Variants in RASAL2 observed in about 807,000 individuals in gnomAD.
RASAL2 encodes ras GTPase-activating protein nGAP.
In RASAL2, 58 loss-of-function variants were observed where a neutral mutation model predicts 128.9. The ratio of observed to expected loss-of-function variants is 0.45; its 90% confidence interval spans 0.36 to 0.56. The LOEUF (loss-of-function observed/expected upper bound fraction) is 0.56. Ranked by LOEUF, RASAL2 falls within the 20% of genes least tolerant of loss-of-function variation. The pLI is 0.00. For missense variants in RASAL2, 1,360 were observed against 1,601.6 expected (o/e 0.85, Z 2.57); for synonymous variants, 561 against 580.8 (o/e 0.97, Z 0.49).
intron 1 of RASAL2, among the ~76,000 whole-genome samples, chr1:178,145,140 T>A (rs1170159255): frequency 6.6e-6 from 1 of 152,216 alleles, no homozygotes; most frequent in African/African-American, 2.4e-5. Flanking sequence ...ATGAGTTTTT[T>A]ACAAATGGAT....
In RASAL2 at chr1:178,201,601, C is replaced by T. The variant is rs946935204; in HGVS notation, c.203-81963C>T. Among the ~76,000 whole-genome samples, 4 of 152,292 alleles carry T rather than the reference C, an allele frequency of 2.6e-5. No individual in the cohort carries two copies. In the East Asian group the frequency reaches 5.8e-4, roughly 22 times the overall value. ...TAAATGCAGTGGGAATAATTGGATT[C>T]CAGTGTGGCAGGGGCCAAGTGGTGG... On this transcript the variant is annotated intron_variant, in intron 1 of 17. Transcript: ENST00000367649.
At chr1:178,096,580 C>A (rs1389312973) in intron 1 of RASAL2, among the ~76,000 whole-genome samples, 1 of 151,586 alleles carries the variant, frequency 6.6e-6, no homozygotes, top group African/African-American at 2.4e-5. Flanking sequence ...AGAGTGACCA[C>A]GACTTAGAAG....
At position 178,096,844 on chromosome 1, in the gene RASAL2, CTTTAG is replaced by C. The variant is rs150107670; in HGVS notation, c.202+2155_202+2159del. On this transcript the variant is annotated intron_variant, in intron 1 of 17. Coordinates refer to ENST00000367649, the MANE Select transcript of RASAL2 (RefSeq NM_170692.4). Reference sequence around the variant, plus strand: ...CTCATCCTGGATACTATTTTGTTGTCTTTAGTTTATGTAAATATTTCAGAACTATT... The same window carrying C: ...CTCATCCTGGATACTATTTTGTTGTCTTTATGTAAATATTTCAGAACTATT... 5.8e-3 allele frequency among the ~76,000 whole-genome samples: 880 copies of C among 152,036 alleles called. 9 individuals carry two copies. The highest frequency in any genetic ancestry group is 0.02 in the African/African-American group (842 of 41,468).
chr1:178,374,564 G>C (rs1671891598), intron 3 of RASAL2, among the ~76,000 whole-genome samples: 1 of 152,134 alleles, frequency 6.6e-6, no homozygotes, highest in Non-Finnish European at 1.5e-5. Flanking sequence ...CTAGTTTGAT[G>C]AAACTTCATA....
chr1:178,095,812 A>C (rs185768497), intron 1 of RASAL2, among the ~76,000 whole-genome samples: 1 of 152,154 alleles, frequency 6.6e-6, no homozygotes. Flanking sequence ...CAGTTCTACC[A>C]CTAAATGGCT....
chr1:178,462,577 AT>A (rs1430387089), intron 14 of RASAL2, among the ~76,000 whole-genome samples: 3 of 151,984 alleles, frequency 2.0e-5, no homozygotes, highest in Non-Finnish European at 4.4e-5. Flanking sequence ...CACAATAACT[AT>A]TTTTTATTTA....
chr1:178,322,294 A>G (rs1668831950), intron 3 of RASAL2, among the ~76,000 whole-genome samples: 1 of 152,116 alleles, frequency 6.6e-6, no homozygotes, highest in African/African-American at 2.4e-5. Flanking sequence ...CACTTTTTAA[A>G]TGCAGATGTC....
chr1:178,110,534 AT>A (rs893792459), intron 1 of RASAL2, among the ~76,000 whole-genome samples: 3 of 146,334 alleles, frequency 2.1e-5, no homozygotes, highest in African/African-American at 7.5e-5. Flanking sequence ...TATATGCTAT[AT>A]ATACTATATA....
chr1:178,158,049 T>G (rs1307971887), intron 1 of RASAL2, among the ~76,000 whole-genome samples: 2 of 152,234 alleles, frequency 1.3e-5, no homozygotes, highest in African/African-American at 4.8e-5. Flanking sequence ...GTGGACATAT[T>G]TTGACTGCTT....
chr1:178,217,148 T>A (rs1458896727), intron 1 of RASAL2, among the ~76,000 whole-genome samples: 1 of 152,008 alleles, frequency 6.6e-6, no homozygotes, highest in African/African-American at 2.4e-5. Context: ...GCTAATTTTG[T>A]ATTTTTAGTA....
At chr1:178,258,254 A>T (rs1665479400) in intron 1 of RASAL2, among the ~76,000 whole-genome samples, 2 of 148,914 alleles carry the variant, frequency 1.3e-5, no homozygotes, top group Admixed American at 1.4e-4. Context: ...AGATCGCGCC[A>T]CTGCATTCCA....
At chr1:178,162,695 C>A (rs1477028619) in intron 1 of RASAL2, among the ~76,000 whole-genome samples, 1 of 149,976 alleles carries the variant, frequency 6.7e-6, no homozygotes, top group Non-Finnish European at 1.5e-5. Context: ...TCAAGTGATC[C>A]TCCTGCCTCA....
At chr1:178,305,889 G>A (rs150305551) in intron 3 of RASAL2, among the ~76,000 whole-genome samples, 3 of 152,318 alleles carry the variant, frequency 2.0e-5, no homozygotes, top group African/African-American at 7.2e-5. Flanking sequence ...GGAAGATGAA[G>A]TAGCACTAGC....
At chr1:178,434,595 T>C (rs1448354979) in intron 5 of RASAL2, among the ~76,000 whole-genome samples, 1 of 152,090 alleles carries the variant, frequency 6.6e-6, no homozygotes, top group East Asian at 1.9e-4. Flanking sequence ...GTGGTACATA[T>C]TTTTAAGCTA....
At chr1:178,141,193 C>CTTTTTTTTTTTTTTTTTTTTTTTTTTTT (rs71297900) in intron 1 of RASAL2, among the ~76,000 whole-genome samples, 3 of 73,932 alleles carry the variant, frequency 4.1e-5, no homozygotes, top group African/African-American at 1.1e-4. Flanking sequence ...CTTTTCTTTT[C>CTTTTTTTTTTTTTTTTTTTTTTTTTTTT]TTTTTTTTTT....
intron 1 of RASAL2, among the ~76,000 whole-genome samples, chr1:178,097,210 G>A (rs1482782731): frequency 6.6e-6 from 1 of 152,146 alleles, no homozygotes; most frequent in Non-Finnish European, 1.5e-5. Flanking sequence ...GCCACAAGTT[G>A]GTTGTCTAAT....
At chr1:178,388,333 G>A (rs1433615211) in intron 3 of RASAL2, among the ~76,000 whole-genome samples, 2 of 152,164 alleles carry the variant, frequency 1.3e-5, no homozygotes, top group Non-Finnish European at 2.9e-5. Context: ...TAAATTCAGT[G>A]CTTTGTGCCA....
intron 4 of RASAL2, among the ~76,000 whole-genome samples, chr1:178,395,769 C>T (rs1673174914): frequency 1.5e-5 from 1 of 64,936 alleles, no homozygotes; most frequent in South Asian, 5.2e-4. Flanking sequence ...TTTTAATGAA[C>T]AGTATATATA....
chr1:178,145,554 C>CAAAAA (rs10645696), intron 1 of RASAL2, among the ~76,000 whole-genome samples: 5 of 123,894 alleles, frequency 4.0e-5, no homozygotes, highest in African/African-American at 1.2e-4. Context: ...GTGACTTTGA[C>CAAAAA]AAAAAAAAAA....
Sources: gnomAD v4.1 joint callset for allele counts (sites outside exome capture counted in the v4.1 genomes callset) on GRCh38, gnomAD v4.1.1 for gene constraint, MANE v1.5 for transcripts, NCBI Gene and HGNC (gene_info 2026-07-23, HGNC 2026-07-21) for gene names.